Variants in UNC13C observed in about 807,000 individuals in gnomAD.
UNC13C encodes protein unc-13 homolog C.
A neutral mutation model predicts 245.4 loss-of-function variants in UNC13C; 174 were observed. That is an observed-to-expected ratio of 0.71 (90% CI 0.63 to 0.80). The LOEUF is 0.80. Among genes scored for constraint, UNC13C ranks in the 30% least tolerant of loss-of-function variants. UNC13C has a pLI of 0.00. For missense variants in UNC13C, 2,829 were observed against 2,602.9 expected, an observed-to-expected ratio of 1.09 and a Z score of -1.89; for synonymous variants, 992 against 895.1, an observed-to-expected ratio of 1.11 and a Z score of -1.93.
At chr15:54,121,193 G>T (rs1224542451) in intron 2 of UNC13C, among the ~76,000 whole-genome samples, 4 of 152,070 alleles carry the variant, frequency 2.6e-5, no homozygotes, top group African/African-American at 9.7e-5. Flanking sequence ...CTTCACTGTT[G>T]TCTTATTTCA....
intron 4 of UNC13C, among the ~76,000 whole-genome samples, chr15:54,205,757 G>A (rs184908340): frequency 1.0e-3 from 155 of 152,092 alleles, no homozygotes; most frequent in African/African-American, 3.5e-3. Flanking sequence ...ATAAGTGTTC[G>A]AAGTATAAAT....
rs1404433774 is a variant in UNC13C at position 54,628,440 on chromosome 15, T to G, written c.*1327T>G. The G allele has an allele frequency of 6.6e-6, 1 of 151,774 alleles. No homozygotes were observed. The highest frequency in any genetic ancestry group is 1.5e-5 in the Non-Finnish European group (1 of 67,806). The allele number at this position is 151,774 out of a possible 1,614,324, so 9.4% of individuals were successfully genotyped here. On this transcript the variant is annotated 3_prime_UTR_variant, in exon 33 of 33. Coordinates refer to ENST00000260323, the MANE Select transcript of UNC13C (RefSeq NM_001080534.3). ...GTACAGAAGTGCTTAGTATCATGACTGTCAGAACCATTCTGCAACTGAGTA... is the reference window on the plus strand; with the variant it reads ...GTACAGAAGTGCTTAGTATCATGACGGTCAGAACCATTCTGCAACTGAGTA...
At chr15:54,539,267 T>G (rs1167135789) in intron 26 of UNC13C, among the ~76,000 whole-genome samples, 1 of 151,992 alleles carries the variant, frequency 6.6e-6, no homozygotes, top group Non-Finnish European at 1.5e-5. Flanking sequence ...AAATTAAGCC[T>G]TATGTTTTGT....
chr15:54,270,644 G>A (rs540676018), intron 10 of UNC13C, among the ~76,000 whole-genome samples: 2 of 151,832 alleles, frequency 1.3e-5, no homozygotes, highest in African/African-American at 2.4e-5. Flanking sequence ...GGCCAAGGGA[G>A]AACCAATGAA....
At chr15:54,055,489 G>A (rs8028542) in intron 2 of UNC13C, among the ~76,000 whole-genome samples, 34,584 of 152,006 alleles carry the variant, frequency 0.23, 5,137 homozygotes, top group African/African-American at 0.43. Flanking sequence ...TGCTATTGTT[G>A]TACTGACAAC....
chr15:54,428,563 T>C (rs2040804145), intron 19 of UNC13C, among the ~76,000 whole-genome samples: 1 of 151,622 alleles, frequency 6.6e-6, no homozygotes, highest in African/African-American at 2.4e-5. Flanking sequence ...TACTTGTTTA[T>C]TGCCTGTTTC....
At chr15:54,485,002 A>T (rs982004497) in intron 19 of UNC13C, among the ~76,000 whole-genome samples, 2 of 151,100 alleles carry the variant, frequency 1.3e-5, no homozygotes, top group Non-Finnish European at 3.0e-5. Context: ...TTATGGATGA[A>T]TTTTTTTTTT....
chr15:53,928,935 C>G, the UNC13C span, among the ~76,000 whole-genome samples: 1 of 152,194 alleles, frequency 6.6e-6, no homozygotes, highest in South Asian at 2.1e-4. Context: ...GTGATGATTA[C>G]ATCATGACAA....
chr15:53,941,250 G>A, the UNC13C span, among the ~76,000 whole-genome samples: 3 of 152,182 alleles, frequency 2.0e-5, no homozygotes, highest in African/African-American at 7.2e-5. Flanking sequence ...CTAGCCATAT[G>A]CAGAAGATTG....
At chr15:53,976,177 CAG>C (rs754629413), upstream of UNC13C, among the ~76,000 whole-genome samples, 1 of 152,116 alleles carries the variant, frequency 6.6e-6, no homozygotes, top group Non-Finnish European at 1.5e-5. Flanking sequence ...TATTAGCAGC[CAG>C]AGTCCCTCAC....
intron 24 of UNC13C, among the ~76,000 whole-genome samples, chr15:54,516,799 C>CAAAAAAAAAAAAAAAAAAAAAAAAA (rs59628073): frequency 8.1e-6 from 1 of 123,646 alleles, no homozygotes. Context: ...GATGCTGTCT[C>CAAAAAAAAAAAAAAAAAAAAAAAAA]AAAAAAAAAA....
At chr15:54,297,693 A>C in intron 11 of UNC13C, 118 bp from the exon 12 acceptor site, 1 of 718,892 alleles carries the variant, frequency 1.4e-6, no homozygotes, top group Non-Finnish European at 2.4e-6. Context: ...ACTCAGAAAA[A>C]TAGCTTTTAG....
At chr15:54,217,614 G>A (rs554511576) in intron 4 of UNC13C, among the ~76,000 whole-genome samples, 6 of 151,984 alleles carry the variant, frequency 3.9e-5, no homozygotes, top group African/African-American at 1.2e-4. Context: ...GTCTACACAA[G>A]TCTCTGATCA....
chr15:54,018,057 C>A (rs1036439429), intron 2 of UNC13C, among the ~76,000 whole-genome samples: 1 of 152,104 alleles, frequency 6.6e-6, no homozygotes, highest in African/African-American at 2.4e-5. Context: ...TATCTCTGCT[C>A]CCCTTGGCAG....
At chr15:53,898,777 A>C in the UNC13C span, among the ~76,000 whole-genome samples, 2 of 152,328 alleles carry the variant, frequency 1.3e-5, no homozygotes, top group South Asian at 4.1e-4. Context: ...TTCCAATTTT[A>C]AAAAAATATA....
intron 4 of UNC13C, among the ~76,000 whole-genome samples, chr15:54,144,819 A>C (rs912917008): frequency 6.6e-6 from 1 of 152,160 alleles, no homozygotes; most frequent in East Asian, 1.9e-4. Flanking sequence ...TATAGATACT[A>C]TGGTAAATAT....
chr15:54,013,789 G>T lies in UNC13C; in HGVS notation c.886G>T (p.Val296Phe), dbSNP rs768613080. 3 of 1,611,644 alleles carry T rather than the reference G, an allele frequency of 1.9e-6. No homozygotes were observed. The highest frequency in any genetic ancestry group is 2.5e-6 in the Non-Finnish European group (3 of 1,178,906). ...AATTGAGCAGTTGCGCACAGGGTTT[G>T]TCCAGTCTCGGAGGGAAACTAGAGA... The part of the protein sequence containing the change: ...SEIEQLRTGF[V>F]QSRRETRDIH... Residue 296 changes from valine to phenylalanine, a missense_variant, in exon 2 of 33, where the codon GTC becomes TTC. Val to Phe is a conservative substitution (Grantham distance 50). Coordinates refer to ENST00000260323, the MANE Select transcript of UNC13C (RefSeq NM_001080534.3).
intron 30 of UNC13C, among the ~76,000 whole-genome samples, chr15:54,572,071 C>A (rs1897780620): frequency 6.6e-6 from 1 of 152,046 alleles, no homozygotes; most frequent in Non-Finnish European, 1.5e-5. Flanking sequence ...GACCACTTAC[C>A]TTTTGATGCT....
chr15:53,955,294 C>T, the UNC13C span, among the ~76,000 whole-genome samples: 4 of 139,128 alleles, frequency 2.9e-5, no homozygotes, highest in African/African-American at 1.0e-4. Flanking sequence ...CACACACACA[C>T]ACACACATAA....
Sources: gnomAD v4.1 joint callset for allele counts (sites outside exome capture counted in the v4.1 genomes callset) on GRCh38, gnomAD v4.1.1 for gene constraint, MANE v1.5 for transcripts, NCBI Gene and HGNC (gene_info 2026-07-23, HGNC 2026-07-21) for gene names.